The following WWOX variants were observed in gnomAD, a reference collection of about 807,000 sequenced individuals.
The protein encoded by WWOX is WW domain containing oxidoreductase.
A neutral mutation model predicts 46.2 loss-of-function variants in WWOX; 69 were observed. That is an observed-to-expected ratio of 1.49 (90% confidence interval 1.23 to 1.82). The LOEUF is 1.82. WWOX is among the 40% of genes most tolerant of loss of function. The pLI is 0.00. For synonymous variants in WWOX, 359 were observed against 202.6 expected, an observed-to-expected ratio of 1.77 and a Z score of -6.56; for missense variants, 919 against 542.6, an observed-to-expected ratio of 1.69 and a Z score of -6.89.
chr16:78,831,177 C>A (rs1390917742), intron 8 of WWOX, among the ~76,000 whole-genome samples: 1 of 152,140 alleles, frequency 6.6e-6, no homozygotes, highest in Non-Finnish European at 1.5e-5. Flanking sequence ...GGCTGAAGAC[C>A]CTGGCTGTCT....
chr16:78,745,959 G>A (rs2049338460), intron 8 of WWOX, among the ~76,000 whole-genome samples: 1 of 152,132 alleles, frequency 6.6e-6, no homozygotes, highest in Non-Finnish European at 1.5e-5. Context: ...GACTCCAGCT[G>A]CTATGAACTG....
At chr16:79,025,648 A>G (rs936177913) in intron 8 of WWOX, among the ~76,000 whole-genome samples, 13 of 152,156 alleles carry the variant, frequency 8.5e-5, no homozygotes, top group Admixed American at 2.0e-4. Flanking sequence ...TCTGGCCTCC[A>G]GAATACTAAG....
chr16:78,905,929 G>A (rs755982559), intron 8 of WWOX, among the ~76,000 whole-genome samples: 2 of 152,156 alleles, frequency 1.3e-5, no homozygotes, highest in Non-Finnish European at 2.9e-5. Context: ...TCCCACCTAT[G>A]TTGATTAATT....
At chr16:78,329,296 TCTC>T (rs1396604725) in intron 5 of WWOX, among the ~76,000 whole-genome samples, 4 of 152,190 alleles carry the variant, frequency 2.6e-5, no homozygotes, top group African/African-American at 4.8e-5. Flanking sequence ...TCCAGCCAGT[TCTC>T]CTCTGTGGGC....
intron 5 of WWOX, among the ~76,000 whole-genome samples, chr16:78,283,001 T>A (rs2079706121): frequency 6.6e-6 from 1 of 151,806 alleles, no homozygotes; most frequent in Non-Finnish European, 1.5e-5. Flanking sequence ...GCAGAGTTGG[T>A]CCTGACTGAG....
intron 8 of WWOX, among the ~76,000 whole-genome samples, chr16:78,694,115 C>T (rs985469818): frequency 6.6e-6 from 1 of 151,916 alleles, no homozygotes; most frequent in African/African-American, 2.4e-5. Flanking sequence ...GCATATAATC[C>T]CAGCTACTCT....
chr16:79,047,076 T>C (rs2048079240), intron 8 of WWOX, among the ~76,000 whole-genome samples: 1 of 152,232 alleles, frequency 6.6e-6, no homozygotes, highest in South Asian at 2.1e-4. Context: ...CAAATATTGC[T>C]TCTCCTTTCA....
chr16:78,858,054 C>G (rs531819829), intron 8 of WWOX, among the ~76,000 whole-genome samples: 2 of 151,688 alleles, frequency 1.3e-5, no homozygotes, highest in African/African-American at 4.8e-5. Context: ...ATTTGAGTTA[C>G]AGTTTTTCCA....
At chr16:78,986,820 C>G (rs573399934) in intron 8 of WWOX, among the ~76,000 whole-genome samples, 2 of 152,296 alleles carry the variant, frequency 1.3e-5, no homozygotes, top group South Asian at 4.1e-4. Flanking sequence ...ATTAATTCCA[C>G]AGAGATTTTT....
At chr16:78,862,334 A>G (rs143926883) in intron 8 of WWOX, among the ~76,000 whole-genome samples, 1 of 151,072 alleles carries the variant, frequency 6.6e-6, no homozygotes, top group African/African-American at 2.4e-5. Flanking sequence ...ATATCTATAC[A>G]TTATATGTAC....
chr16:79,162,840 A>G (rs998406277), intron 8 of WWOX, among the ~76,000 whole-genome samples: 18 of 152,166 alleles, frequency 1.2e-4, no homozygotes, highest in African/African-American at 3.1e-4. Flanking sequence ...TCTGCAAACC[A>G]TGTCTTCCCA....
intron 8 of WWOX, among the ~76,000 whole-genome samples, chr16:78,982,938 G>A (rs1375196996): frequency 6.6e-6 from 1 of 152,206 alleles, no homozygotes; most frequent in Non-Finnish European, 1.5e-5. Flanking sequence ...ACCCTGAGCA[G>A]ATTGCATATA....
chr16:78,345,572 C>T (rs1377038478), intron 5 of WWOX, among the ~76,000 whole-genome samples: 1 of 79,224 alleles, frequency 1.3e-5, no homozygotes, highest in Non-Finnish European at 2.7e-5. Flanking sequence ...CCTGGGAAGT[C>T]AAGGCTACAG....
chr16:79,073,124 G>A (rs550366789), intron 8 of WWOX, among the ~76,000 whole-genome samples: 31 of 149,474 alleles, frequency 2.1e-4, no homozygotes, highest in African/African-American at 6.9e-4. Context: ...GCTTTCTATC[G>A]CTTTTTTACA....
At position 78,624,241 on chromosome 16, in the gene WWOX, T is replaced by G. The variant is rs193036334; in HGVS notation, c.1056+191489T>G. Among the ~76,000 whole-genome samples, 227 of 151,808 alleles carry G rather than the reference T, an allele frequency of 1.5e-3. 2 individuals are homozygous for G. The highest frequency in any genetic ancestry group is 5.1e-3 in the African/African-American group (213 of 41,360). On this transcript the variant is annotated intron_variant, in intron 8 of 8. Coordinates refer to ENST00000566780, the MANE Select transcript of WWOX (RefSeq NM_016373.4). ...TTTTTTTCGTGGAATCATGTTCCCT[T>G]CGGAAAACTCCCTGGGTGCCCCAGC...
At chr16:78,911,213 G>A (rs972551372) in intron 8 of WWOX, among the ~76,000 whole-genome samples, 1 of 151,818 alleles carries the variant, frequency 6.6e-6, no homozygotes, top group Non-Finnish European at 1.5e-5. Flanking sequence ...AAGGATCTTT[G>A]ATTTAATATT....
At position 78,358,337 on chromosome 16, in the gene WWOX, G is replaced by C. The variant is rs916633750; in HGVS notation, c.517-28523G>C. On this transcript the variant is annotated intron_variant, in intron 5 of 8. Coordinates refer to ENST00000566780, the MANE Select transcript of WWOX (RefSeq NM_016373.4). ...TGCTAATGAATTACTTTCCTTGATT[G>C]CACAGTAATAAAGTCAATGTTGTAA... Among the ~76,000 whole-genome samples the C allele has an allele frequency of 3.4e-4, 51 of 152,086 alleles. 1 individual carries two copies. Among genetic ancestry groups the C allele is most frequent in the Admixed American group, 3.3e-4 (5 of 15,266 alleles).
chr16:78,748,120 C>G (rs943696940), intron 8 of WWOX, among the ~76,000 whole-genome samples: 2 of 152,156 alleles, frequency 1.3e-5, no homozygotes, highest in South Asian at 2.1e-4. Context: ...GGACCCTCCA[C>G]TCCTCTATCT....
rs561950992 is a variant in WWOX, at chr16:78,433,595, C to T, written c.1056+843C>T. 2.6e-4 allele frequency among the ~76,000 whole-genome samples: 39 copies of T among 152,070 alleles called. 3 individuals are homozygous for T. The highest frequency in any genetic ancestry group is 2.4e-3 in the Admixed American group (36 of 15,268). ...TTTCCCAAACACATTTGCCTTTTAGCGATATCACAGGCCTTCACAGTTGGA... is the reference window on the plus strand; with the variant it reads ...TTTCCCAAACACATTTGCCTTTTAGTGATATCACAGGCCTTCACAGTTGGA... On this transcript the variant is annotated intron_variant, in intron 8 of 8. Coordinates refer to ENST00000566780, the MANE Select transcript of WWOX (RefSeq NM_016373.4).
Sources: gnomAD v4.1 joint callset for allele counts (sites outside exome capture counted in the v4.1 genomes callset) on GRCh38, gnomAD v4.1.1 for gene constraint, MANE v1.5 for transcripts, NCBI Gene and HGNC (gene_info 2026-07-23, HGNC 2026-07-21) for gene names.